Variants in PGM3 observed in about 807,000 individuals in gnomAD.
The protein encoded by PGM3 is phosphoglucomutase 3.
A neutral mutation model predicts 66.2 loss-of-function variants in PGM3; 40 were observed. The observed-to-expected ratio is 0.60, with a 90% CI of 0.47 to 0.79. The LOEUF (loss-of-function observed/expected upper bound fraction) is 0.79. PGM3 is among the 30% of genes least tolerant of loss of function. The pLI is 0.00. For synonymous variants in PGM3, 191 were observed against 224.2 expected, an observed-to-expected ratio of 0.85 and a Z score of 1.32; for missense variants, 537 against 643.4, an observed-to-expected ratio of 0.83 and a Z score of 1.79.
Position 83,167,292 on chromosome 6 carries a change from C to T in PGM3, c.*1942G>A. On this transcript the variant is annotated 3_prime_UTR_variant, in exon 13 of 13. Coordinates refer to ENST00000513973, the MANE Select transcript of PGM3 (RefSeq NM_015599.3). Reference sequence around the variant, plus strand: ...TCCTCCCTATGTTGTTTAGCACAACCCAGAAGGAGACAGCAGTGTCTCCTG... The same window carrying T: ...TCCTCCCTATGTTGTTTAGCACAACTCAGAAGGAGACAGCAGTGTCTCCTG... 1 of 985,282 alleles carries T rather than the reference C, an allele frequency of 1.0e-6. No homozygotes were observed. Among genetic ancestry groups the T allele is most frequent in the African/African-American group, 1.7e-5 (1 of 57,316 alleles). The allele number at this position is 985,282 out of a possible 1,614,324, so 61.0% of individuals were successfully genotyped here.
Position 83,166,776 on chromosome 6 carries a change from C to G in PGM3, c.*2458G>C. 1 of 1,075,848 alleles carries G rather than the reference C, an allele frequency of 9.3e-7. No individual in the cohort carries two copies. The highest frequency in any genetic ancestry group is 6.4e-5 in the East Asian group (1 of 15,594). The allele number at this position is 1,075,848 out of a possible 1,614,324, so 66.6% of individuals were successfully genotyped here. A position where few individuals can be genotyped will look rare whatever the true frequency, so the allele number is the denominator to read the frequency against. ...AAGCTGGATTTTGCATCTGCTTGACCCACTAGGAAACTAGTGATATTAAAT... is the reference window on the plus strand; with the variant it reads ...AAGCTGGATTTTGCATCTGCTTGACGCACTAGGAAACTAGTGATATTAAAT... On this transcript the variant is annotated 3_prime_UTR_variant, in exon 13 of 13. Coordinates refer to ENST00000513973, the MANE Select transcript of PGM3 (RefSeq NM_015599.3).
chr6:83,165,770 T>G lies in PGM3; in HGVS notation c.*3464A>C. 1 of 247,910 alleles carries G rather than the reference T, an allele frequency of 4.0e-6. No individual in the cohort carries two copies. The highest frequency in any genetic ancestry group is 4.8e-5 in the South Asian group (1 of 20,718). 15.4% of individuals were successfully genotyped at this position (247,910 alleles called of 1,614,324 possible). ...AGTTCAATTTTCGAAGCGTTGGTTG[T>G]GCAACGTGCGGCCCAGTGTTGTCGT... On this transcript the variant is annotated 3_prime_UTR_variant, in exon 13 of 13. Transcript: ENST00000513973.
chr6:83,167,770 T>C lies in PGM3; in HGVS notation c.*1464A>G. 2.7e-6 allele frequency: 4 copies of C among 1,455,868 alleles called. No homozygotes were observed. Among genetic ancestry groups the C allele is most frequent in the Non-Finnish European group, 3.6e-6 (4 of 1,104,400 alleles). 90.2% of individuals were successfully genotyped at this position (1,455,868 alleles called of 1,614,324 possible). A position where few individuals can be genotyped will look rare whatever the true frequency, so the allele number is the denominator to read the frequency against. On this transcript the variant is annotated 3_prime_UTR_variant, in exon 13 of 13. Transcript: ENST00000513973. Reference sequence around the variant, plus strand: ...CTTAATGTCATTTGTATTCATTTCTTGACCAATTGCCAAAGTTTATATATT... The same window carrying C: ...CTTAATGTCATTTGTATTCATTTCTCGACCAATTGCCAAAGTTTATATATT...
In PGM3 at chr6:83,168,891, C is replaced by T. The variant is rs1786454251; in HGVS notation, c.*343G>A. 5.7e-6 allele frequency: 6 copies of T among 1,058,492 alleles called. No individual in the cohort carries two copies. Among genetic ancestry groups the T allele is most frequent in the Non-Finnish European group, 6.9e-6 (6 of 873,584 alleles). 65.6% of individuals were successfully genotyped at this position (1,058,492 alleles called of 1,614,324 possible). ...CATCTTGCTCATGTGATGGTGATGG[C>T]AAAGATATCACAAGGAGTTGGTAAT... On this transcript the variant is annotated 3_prime_UTR_variant, in exon 13 of 13. Coordinates refer to ENST00000513973, the MANE Select transcript of PGM3 (RefSeq NM_015599.3).
intron 12 of PGM3, among the ~76,000 whole-genome samples, chr6:83,170,081 A>AG (rs1214239208): frequency 6.6e-6 from 1 of 152,244 alleles, no homozygotes; most frequent in Non-Finnish European, 1.5e-5. Flanking sequence ...CAGGAAGTCT[A>AG]GAATAAGTCA....
chr6:83,189,745 T>C (rs1426529162), intron 2 of PGM3, among the ~76,000 whole-genome samples: 4 of 152,178 alleles, frequency 2.6e-5, no homozygotes, highest in Non-Finnish European at 5.9e-5. Context: ...ACAACAAAAG[T>C]GCTCATAAAC....
chr6:83,157,237 G>A, downstream of PGM3: 7 of 1,613,998 alleles, frequency 4.3e-6, no homozygotes, highest in South Asian at 6.6e-5. Context: ...ATTCTCAAGT[G>A]TTCCTGTTTT....
In PGM3 at chr6:83,165,884, T is replaced by C. The variant is rs1785391265; in HGVS notation, c.*3350A>G. 2.5e-5 allele frequency: 10 copies of C among 397,320 alleles called. No homozygotes were observed. The highest frequency in any genetic ancestry group is 1.4e-4 in the South Asian group (7 of 50,820). 24.6% of individuals were successfully genotyped at this position (397,320 alleles called of 1,614,324 possible). A position where few individuals can be genotyped will look rare whatever the true frequency, so the allele number is the denominator to read the frequency against. ...CTCATTGATTTGCTGAGCATACTTA[T>C]CAGATGTAATGGTTTCACCTGGATT... On this transcript the variant is annotated 3_prime_UTR_variant, in exon 13 of 13. Transcript: ENST00000513973.
chr6:83,186,370 G>T (rs1176809864), intron 4 of PGM3, among the ~76,000 whole-genome samples: 4 of 152,170 alleles, frequency 2.6e-5, no homozygotes. Context: ...GCAGAGGCCA[G>T]ACTGACCGTG....
intron 10 of PGM3, among the ~76,000 whole-genome samples, chr6:83,172,769 C>T (rs925195562): frequency 6.6e-6 from 1 of 152,166 alleles, no homozygotes; most frequent in Non-Finnish European, 1.5e-5. Context: ...TATGATACAT[C>T]GTTTCCATGC....
chr6:83,162,698 GGGGT>G, downstream of PGM3: 1 of 1,375,936 alleles, frequency 7.3e-7, no homozygotes, highest in Non-Finnish European at 9.7e-7. Context: ...TATAAGCAGT[GGGGT>G]CATGATCTTT....
In PGM3 at chr6:83,174,444, G is replaced by C. The variant is rs1787600102; in HGVS notation, c.1172C>G (p.Ala391Gly). 2 of 1,605,638 alleles carry C rather than the reference G, an allele frequency of 1.2e-6. No individual in the cohort carries two copies. Among genetic ancestry groups the C allele is most frequent in the East Asian group, 4.5e-5 (2 of 44,704 alleles). ...TAVEMKIKQS[A>G]EQLEDKKRKA... ...TCTTTTCTTATCTTCCAGTTGTTCTGCTGATTGTTTTATCTTCATTTCAAC... is the reference window on the plus strand; with the variant it reads ...TCTTTTCTTATCTTCCAGTTGTTCTCCTGATTGTTTTATCTTCATTTCAAC... The change falls in exon 10 of 13, where the codon GCA (alanine) becomes GGA (glycine). Residue 391 changes from alanine (A) to glycine (G), a missense_variant. By Grantham distance (60) the Ala-to-Gly change is moderately conservative (BLOSUM62 0). Transcript: ENST00000513973.
rs779517155 is a variant in PGM3 at position 83,169,257 on chromosome 6, C to A, written c.1606G>T (p.Glu536Ter). The change falls in exon 13 of 13, where the codon GAA becomes TAA. Residue 536 changes from glutamate (E) to a stop codon, truncating the protein, a stop_gained. Transcript: ENST00000513973. LOFTEE classifies it high-confidence loss of function. ...CTTCAGAAACCTGGTTGGGGCCTTT[C>A]TCCAATTCCTCCAGCCAGCTGAAAT... is the stretch of plus-strand genomic sequence containing the variant. ...AVFQLAGGIG[E>*]RPQPGF The A allele has an allele frequency of 6.2e-7, 1 of 1,614,060 alleles. No homozygotes were observed. The highest frequency in any genetic ancestry group is 8.5e-7 in the Non-Finnish European group (1 of 1,179,942).
rs1211944898 is a variant in PGM3 at position 83,168,235 on chromosome 6, G to A, written c.*999C>T. On this transcript the variant is annotated 3_prime_UTR_variant, in exon 13 of 13. Transcript: ENST00000513973. ...ATTTAAAACACACACACTGCTCTGC[G>A]TTGTATAGTTTTTCCTTTTTTGTAT... 42 of 1,500,002 alleles carry A rather than the reference G, an allele frequency of 2.8e-5. No individual in the cohort carries two copies. The highest frequency in any genetic ancestry group is 7.1e-5 in the East Asian group (3 of 42,142). 92.9% of individuals were successfully genotyped at this position (1,500,002 alleles called of 1,614,324 possible).
downstream of PGM3, among the ~76,000 whole-genome samples, chr6:83,162,347 C>T (rs1174110255): frequency 6.6e-6 from 1 of 152,048 alleles, no homozygotes; most frequent in African/African-American, 2.4e-5. Flanking sequence ...ATTTTTTACT[C>T]CTTTACTATG....
At chr6:83,155,890 A>G in the PGM3 span, 24 of 1,556,998 alleles carry the variant, frequency 1.5e-5, no homozygotes, top group South Asian at 2.8e-4. Context: ...TATTTTAAAA[A>G]ACAACAGAAT....
rs779247380 is a variant in PGM3 at position 83,165,019 on chromosome 6, T to C, written c.*4215A>G. 1.7e-5 allele frequency: 5 copies of C among 287,530 alleles called. No homozygotes were observed. Among genetic ancestry groups the C allele is most frequent in the Non-Finnish European group, 1.3e-5 (2 of 155,122 alleles). 17.8% of individuals were successfully genotyped at this position (287,530 alleles called of 1,614,324 possible). Reference sequence around the variant, plus strand: ...TCTTAAAGGCTCATCTTGATAGGAATAGAAACAAAAGGTTACCCCATAGTT... The same window carrying C: ...TCTTAAAGGCTCATCTTGATAGGAACAGAAACAAAAGGTTACCCCATAGTT... On this transcript the variant is annotated 3_prime_UTR_variant, in exon 13 of 13. Transcript: ENST00000513973.
chr6:83,186,999 A>C lies in PGM3; in HGVS notation c.457+9T>G. On this transcript the variant is annotated intron_variant, in intron 4 of 12. Coordinates refer to ENST00000513973, the MANE Select transcript of PGM3 (RefSeq NM_015599.3). ...TTAGTTTAATTTCCAACTCAGGATA[A>C]CTACATACCATGGAATTGACCTCCT... 6.8e-7 allele frequency: 1 copy of C among 1,470,188 alleles called. No homozygotes were observed. The highest frequency in any genetic ancestry group is 9.4e-7 in the Non-Finnish European group (1 of 1,062,060). The allele number at this position is 1,470,188 out of a possible 1,614,324, so 91.1% of individuals were successfully genotyped here.
intron 3 of PGM3, among the ~76,000 whole-genome samples, chr6:83,188,014 G>A (rs1788714534): frequency 6.6e-6 from 1 of 152,158 alleles, no homozygotes; most frequent in African/African-American, 2.4e-5. Flanking sequence ...CCAGGTATTG[G>A]AGATTGAGTA....
Sources: gnomAD v4.1 joint callset for allele counts (sites outside exome capture counted in the v4.1 genomes callset) on GRCh38, gnomAD v4.1.1 for gene constraint, MANE v1.5 for transcripts, NCBI Gene and HGNC (gene_info 2026-07-23, HGNC 2026-07-21) for gene names.